The following HGS variants were observed in gnomAD, a reference collection of about 807,000 sequenced individuals.
HGS encodes the protein hepatocyte growth factor-regulated tyrosine kinase substrate, also known as human growth factor-regulated tyrosine kinase substrate.
A neutral mutation model predicts 109.7 loss-of-function variants in HGS; 63 were observed. That is an observed-to-expected ratio of 0.57 (90% confidence interval 0.47 to 0.71). HGS has a LOEUF of 0.71. HGS is among the 30% of genes least tolerant of loss of function. HGS has a pLI of 0.00. For synonymous variants in HGS, 546 were observed against 437.3 expected, an observed-to-expected ratio of 1.25 and a Z score of -3.10; for missense variants, 995 against 1,068.3, an observed-to-expected ratio of 0.93 and a Z score of 0.96.
chr17:81,696,130 G>A lies in HGS; in HGVS notation c.1393+131G>A, dbSNP rs771747290. On this transcript the variant is annotated intron_variant, in intron 15 of 21. Coordinates refer to ENST00000329138, the MANE Select transcript of HGS (RefSeq NM_004712.5). ...CATTGGGGCCGTGGCTTCCTCCAGA[G>A]AGTGTCAACAGGAGGTGGTCTCAGT... The A allele has an allele frequency of 2.6e-4, 244 of 943,916 alleles. 1 individual carries two copies. The highest frequency in any genetic ancestry group is 3.4e-4 in the Middle Eastern group (1 of 2,942). The allele number at this position is 943,916 out of a possible 1,614,324, so 58.5% of individuals were successfully genotyped here.
In HGS at chr17:81,693,744, G is replaced by A; in HGVS notation, c.832G>A (p.Glu278Lys). The A allele has an allele frequency of 6.4e-7, 1 of 1,552,662 alleles. No homozygotes were observed. ...ALSQSEAEEK[E>K]RLRQKSTYTS... ...GTCACAGTCAGAGGCGGAGGAGAAGGAGAGGCTGGTAAGCCGGGTGGGGCG... is the reference window on the plus strand; with the variant it reads ...GTCACAGTCAGAGGCGGAGGAGAAGAAGAGGCTGGTAAGCCGGGTGGGGCG... Residue 278 changes from glutamate (E) to lysine (K), a missense_variant, in exon 10 of 22, where the codon GAG becomes AAG. Physicochemically the swap from Glu to Lys is moderately conservative, Grantham distance 56. This residue lies in a region of HGS where 300 missense variants were observed against 235.4 expected (regional missense o/e 1.27). Coordinates refer to ENST00000329138, the MANE Select transcript of HGS (RefSeq NM_004712.5).
At chr17:81,686,972 G>A in intron 3 of HGS, 31 bp from the exon 4 acceptor site, 1 of 1,591,094 alleles carries the variant, frequency 6.3e-7, no homozygotes, top group Non-Finnish European at 8.6e-7. Flanking sequence ...CTGACCACTG[G>A]CCCAACCCTT....
intron 11 of HGS, 74 bp from the exon 12 acceptor site, chr17:81,694,741 C>T (rs1159525451): frequency 2.5e-6 from 4 of 1,574,424 alleles, no homozygotes; most frequent in Non-Finnish European, 3.5e-6. Context: ...ATCTGTCGCA[C>T]TGGGGACATC....
chr17:81,701,708 T>G lies in HGS; in HGVS notation c.*90T>G. 1 of 1,479,818 alleles carries G rather than the reference T, an allele frequency of 6.8e-7. No individual in the cohort carries two copies. The highest frequency in any genetic ancestry group is 9.0e-7 in the Non-Finnish European group (1 of 1,110,728). 91.7% of individuals were successfully genotyped at this position (1,479,818 alleles called of 1,614,324 possible). A position where few individuals can be genotyped will look rare whatever the true frequency, so the allele number is the denominator to read the frequency against. On this transcript the variant is annotated 3_prime_UTR_variant, in exon 22 of 22. Coordinates refer to ENST00000329138, the MANE Select transcript of HGS (RefSeq NM_004712.5). ...CTGCCGTCGTCCTGCCTCCCTGTCC[T>G]CTACTGCCGGTAGTGTCCCTTCTCT... is the stretch of plus-strand genomic sequence containing the variant.
chr17:81,700,231 T>C (rs1251081935), intron 18 of HGS, among the ~76,000 whole-genome samples: 1 of 150,412 alleles, frequency 6.6e-6, no homozygotes, highest in Non-Finnish European at 1.5e-5. Context: ...TAGCCGGGCG[T>C]AGTGGCGTAC....
At chr17:81,692,312 C>T (rs12946662) in intron 8 of HGS, 7,547 of 152,292 alleles carry the variant, frequency 0.05, 305 homozygotes, top group East Asian at 0.22. Context: ...TGTCTCGCTC[C>T]GTGGACATTT....
intron 1 of HGS, chr17:81,684,470 G>A (rs1048691025): frequency 5.8e-5 from 13 of 223,596 alleles, no homozygotes; most frequent in Middle Eastern, 1.3e-3. Context: ...CGGATGTTAG[G>A]CTCGCACTTG....
Position 81,700,731 on chromosome 17 carries a change from A to G in HGS, c.2053A>G (p.Ile685Val). Reference protein sequence around the residue: ...ASQAPQSLPAISQPPQSSTMG... With the variant: ...ASQAPQSLPAVSQPPQSSTMG... ...CCAGGCCCCACAGAGCCTCCCGGCC[A>G]TCTCTCAGCCTCCGCAGTCCAGCAC... The change falls in exon 20 of 22, where the codon ATC (isoleucine) becomes GTC (valine). Residue 685 changes from isoleucine to valine, a missense_variant. Coordinates refer to ENST00000329138, the MANE Select transcript of HGS (RefSeq NM_004712.5). 6.4e-7 allele frequency: 1 copy of G among 1,565,552 alleles called. No individual in the cohort carries two copies. The highest frequency in any genetic ancestry group is 8.7e-7 in the Non-Finnish European group (1 of 1,152,342).
At position 81,700,787 on chromosome 17, in the gene HGS, C is replaced by T. The variant is rs1444157174; in HGVS notation, c.2109C>T (p.Ser703=). ...TMGYMGSQSV[S]MGYQPYNMQN... ...GCTACATGGGGAGCCAGTCAGTCTC[C>T]ATGGGCTACCAGCCTTACAACATGC... The change falls in exon 20 of 22, where the codon TCC becomes TCT. Residue 703 remains serine (S), a synonymous_variant. Coordinates refer to ENST00000329138, the MANE Select transcript of HGS (RefSeq NM_004712.5). The T allele has an allele frequency of 5.0e-6, 8 of 1,612,592 alleles. No homozygotes were observed. In the South Asian group the frequency reaches 6.6e-5, roughly 13 times the overall value.
chr17:81,700,548 C>A lies in HGS; in HGVS notation c.1964C>A (p.Thr655Asn), dbSNP rs1182277373. The change falls in exon 19 of 22, where the codon ACC becomes AAC. Residue 655 changes from threonine to asparagine, a missense_variant. Around this residue, in one of 6 missense-constraint regions of HGS, gnomAD observed 326 missense variants for 309.7 expected, o/e 1.05. Transcript: ENST00000329138. ...QAAPQAQAGPTASPAYSSYQP... is the reference protein window; with the variant it reads ...QAAPQAQAGPNASPAYSSYQP... The stretch of plus-strand genomic sequence containing the variant: ...GCCCCCCAGGCCCAGGCCGGACCCA[C>A]CGCCAGCCCCGCTTACTCATCCTAC... 1 of 1,610,712 alleles carries A rather than the reference C, an allele frequency of 6.2e-7. No individual in the cohort carries two copies. The highest frequency in any genetic ancestry group is 2.2e-5 in the East Asian group (1 of 44,874).
In HGS at chr17:81,693,641, C is replaced by G. The variant is rs747537244; in HGVS notation, c.742-13C>G. 2 of 1,549,292 alleles carry G rather than the reference C, an allele frequency of 1.3e-6. No individual in the cohort carries two copies. Among genetic ancestry groups the G allele is most frequent in the African/African-American group, 2.7e-5 (2 of 73,670 alleles). ...CCCCGGCGCCCCCCCTCACCCTCCC[C>G]GCTTGTCCTCAGCTGCCCCCCAAGA... On this transcript the variant is annotated splice_polypyrimidine_tract_variant and intron_variant, in intron 9 of 21. Coordinates refer to ENST00000329138, the MANE Select transcript of HGS (RefSeq NM_004712.5).
rs779675545 is a variant in HGS, at chr17:81,693,716, G to T, written c.804G>T (p.Ala268=). ...AGGAGGAGCTGCAGCTGGCCCTGGC[G>T]CTGTCACAGTCAGAGGCGGAGGAGA... The part of the protein sequence containing the change: ...QEEEELQLAL[A]LSQSEAEEKE... Residue 268 remains alanine (A), a synonymous_variant, in exon 10 of 22, where the codon GCG becomes GCT. Coordinates refer to ENST00000329138, the MANE Select transcript of HGS (RefSeq NM_004712.5). 3 of 1,558,308 alleles carry T rather than the reference G, an allele frequency of 1.9e-6. No homozygotes were observed. The highest frequency in any genetic ancestry group is 2.6e-6 in the Non-Finnish European group (3 of 1,151,562).
Position 81,693,646 on chromosome 17 carries a change from G to A in HGS, c.742-8G>A, listed in dbSNP as rs779728586. 5 of 1,544,368 alleles carry A rather than the reference G, an allele frequency of 3.2e-6. No homozygotes were observed. The South Asian group carries it at 4.8e-5, about 15-fold the overall frequency. On this transcript the variant is annotated splice_polypyrimidine_tract_variant and splice_region_variant and intron_variant, in intron 9 of 21. Transcript: ENST00000329138. ...GCGCCCCCCCTCACCCTCCCCGCTT[G>A]TCCTCAGCTGCCCCCCAAGAGGGAC...
intron 1 of HGS, chr17:81,685,181 G>T (rs1231974997): frequency 3.7e-6 from 2 of 540,854 alleles, no homozygotes; most frequent in Non-Finnish European, 4.7e-6. Flanking sequence ...CCTTGCCCAA[G>T]CTAAGGTCCC....
At chr17:81,687,696 G>C (rs138673719) in intron 4 of HGS, among the ~76,000 whole-genome samples, 87 of 152,362 alleles carry the variant, frequency 5.7e-4, no homozygotes, top group South Asian at 3.5e-3. Context: ...CTGTGATGTG[G>C]ACTGTGATGC....
rs35078912 is a variant in HGS at position 81,694,844 on chromosome 17, C to T, written c.966C>T (p.Ile322=). 34,278 of 1,614,250 alleles carry T rather than the reference C, an allele frequency of 0.021. 435 individuals carry two copies. The highest frequency in any genetic ancestry group is 0.024 in the Non-Finnish European group (28,743 of 1,180,034). ...CGTCGGCGCCTCTGGCTGAGGACATCGACCCTGAGGTAAGGCCCAGCATGG... is the reference window on the plus strand; with the variant it reads ...CGTCGGCGCCTCTGGCTGAGGACATTGACCCTGAGGTAAGGCCCAGCATGG... ...VNSSAPLAED[I]DPELARYLNR... The change falls in exon 12 of 22, where the codon ATC becomes ATT. Residue 322 remains isoleucine, a synonymous_variant. Coordinates refer to ENST00000329138, the MANE Select transcript of HGS (RefSeq NM_004712.5).
At chr17:81,689,023 C>T (rs1484303817) in intron 5 of HGS, among the ~76,000 whole-genome samples, 196 bp downstream of exon 5, 1 of 152,346 alleles carries the variant, frequency 6.6e-6, no homozygotes, top group East Asian at 1.9e-4. Flanking sequence ...TCTGGACCCA[C>T]GGCCCACGGG....
At chr17:81,690,649 G>A in intron 6 of HGS, 25 bp from the exon 7 acceptor site, 2 of 1,605,700 alleles carry the variant, frequency 1.2e-6, no homozygotes, top group Non-Finnish European at 1.7e-6. Flanking sequence ...GGAAGCGTGT[G>A]GTCCTGACTG....
Position 81,686,382 on chromosome 17 carries a change from C to T in HGS, c.193C>T (p.Leu65=), listed in dbSNP as rs1162840549. The stretch of plus-strand genomic sequence containing the variant: ...GAACCCACACGTCGCCTTGTATGCC[C>T]TGGAGGTAAGCAGACCCCCGTGCCT... The part of the protein sequence containing the change: ...DKNPHVALYA[L]EVMESVVKNC... Residue 65 remains leucine, a synonymous_variant, in exon 3 of 22, where the codon CTG becomes TTG. Coordinates refer to ENST00000329138, the MANE Select transcript of HGS (RefSeq NM_004712.5). The T allele has an allele frequency of 3.1e-6, 5 of 1,613,188 alleles. No individual in the cohort carries two copies. The highest frequency in any genetic ancestry group is 1.7e-5 in the Admixed American group (1 of 59,990).
Sources: gnomAD v4.1 joint callset for allele counts (sites outside exome capture counted in the v4.1 genomes callset) on GRCh38, gnomAD v4.1.1 for gene constraint, gnomAD v4.1.1 regional missense constraint, MANE v1.5 for transcripts, NCBI Gene and HGNC (gene_info 2026-07-23, HGNC 2026-07-21) for gene names.